DDX24: variants seen among roughly 807,000 people sequenced by gnomAD.
The protein encoded by DDX24 is ATP-dependent RNA helicase DDX24.
A neutral mutation model predicts 68.9 loss-of-function variants in DDX24; 24 were observed. The ratio of observed to expected loss-of-function variants is 0.35; its 90% CI spans 0.25 to 0.49. DDX24 has a LOEUF of 0.49. Ranked by LOEUF, DDX24 falls within the 20% of genes least tolerant of loss-of-function variation. The pLI, the probability that DDX24 is intolerant of heterozygous loss-of-function variation, is 0.99. For missense variants in DDX24, 989 were observed against 1,039.0 expected (o/e 0.95, Z 0.66); for synonymous variants, 395 against 385.2 (o/e 1.03, Z -0.30).
At chr14:94,059,255 C>A (rs887314106) in intron 5 of DDX24, among the ~76,000 whole-genome samples, 1 of 152,252 alleles carries the variant, frequency 6.6e-6, no homozygotes. Flanking sequence ...ACTTTGTAGT[C>A]TGCCTCAACT....
In DDX24 at chr14:94,049,343, C is replaced by T. The variant is rs1885344541; in HGVS notation, c.*1848G>A. The T allele has an allele frequency of 2.0e-5, 3 of 152,248 alleles. No homozygotes were observed. Among genetic ancestry groups the T allele is most frequent in the Admixed American group, 2.0e-4 (3 of 15,280 alleles). The allele number at this position is 152,248 out of a possible 1,614,324, so 9.4% of individuals were successfully genotyped here. ...GCATCATTTGGAAAATGGAGAGTCT[C>T]CCTGCCATTCTCTGATAGCTGTCAG... On this transcript the variant is annotated 3_prime_UTR_variant, in exon 9 of 9. Transcript: ENST00000621632.
chr14:94,070,738 A>G (rs924083883), intron 2 of DDX24, among the ~76,000 whole-genome samples: 2 of 152,194 alleles, frequency 1.3e-5, no homozygotes, highest in African/African-American at 4.8e-5. Context: ...TCAACAAAGC[A>G]AACAAAAACC....
intron 1 of DDX24, 81 bp from the exon 2 acceptor site, chr14:94,079,828 TAGGCCC>T: frequency 7.7e-7 from 1 of 1,296,780 alleles, no homozygotes; most frequent in Non-Finnish European, 1.1e-6. Flanking sequence ...TCTAAGCAAC[TAGGCCC>T]TACAAAGAAC....
Position 94,055,374 on chromosome 14 carries a change from T to C in DDX24, c.1990-190A>G, listed in dbSNP as rs58414592. The C allele has an allele frequency of 1.3e-3, 819 of 617,698 alleles. 5 individuals are homozygous for C. In the African/African-American group the frequency reaches 0.014, roughly 10 times the overall value. 38.3% of individuals were successfully genotyped at this position (617,698 alleles called of 1,614,324 possible). On this transcript the variant is annotated intron_variant, in intron 6 of 8. Transcript: ENST00000621632. ...CAAAATGTTCCCAGGTTTAGCCCAT[T>C]CACTGTGTAGGCTCTTCCCTCCCAT... is the stretch of plus-strand genomic sequence containing the variant.
intron 3 of DDX24, 114 bp downstream of exon 3, chr14:94,061,983 C>T: frequency 8.4e-7 from 1 of 1,189,592 alleles, no homozygotes; most frequent in Admixed American, 2.9e-5. Flanking sequence ...AATTGTCTGG[C>T]TTATAGATGA....
In DDX24 at chr14:94,049,003, A is replaced by G. The variant is rs1885337495; in HGVS notation, c.*2188T>C. 1.3e-5 allele frequency: 2 copies of G among 152,246 alleles called. No individual in the cohort carries two copies. The highest frequency in any genetic ancestry group is 2.9e-5 in the Non-Finnish European group (2 of 68,068). 9.4% of individuals were successfully genotyped at this position (152,246 alleles called of 1,614,324 possible). On this transcript the variant is annotated 3_prime_UTR_variant, in exon 9 of 9. Coordinates refer to ENST00000621632, the MANE Select transcript of DDX24 (RefSeq NM_020414.4). Reference sequence around the variant, plus strand: ...AGAACTCTGCTTTTCCGTGGTGCTTATGTATTAAGTAGATTAGCTGGGGAG... The same window carrying G: ...AGAACTCTGCTTTTCCGTGGTGCTTGTGTATTAAGTAGATTAGCTGGGGAG...
intron 8 of DDX24, among the ~76,000 whole-genome samples, chr14:94,052,342 T>C (rs965913340): frequency 6.6e-6 from 1 of 152,202 alleles, no homozygotes; most frequent in African/African-American, 2.4e-5. Context: ...TGGAAATGCC[T>C]TGTGACAGAG....
At chr14:94,080,508 G>A (rs1886050356) in intron 1 of DDX24, among the ~76,000 whole-genome samples, 1 of 152,108 alleles carries the variant, frequency 6.6e-6, no homozygotes, top group Non-Finnish European at 1.5e-5. Context: ...GCTCTGCGGT[G>A]GACGTATTAA....
At chr14:94,053,257 C>T in intron 7 of DDX24, 130 bp from the exon 8 acceptor site, 1 of 1,223,770 alleles carries the variant, frequency 8.2e-7, no homozygotes, top group Non-Finnish European at 1.1e-6. Flanking sequence ...AGAGCAGTGG[C>T]ATGATCATGG....
intron 2 of DDX24, among the ~76,000 whole-genome samples, chr14:94,068,518 C>T (rs1236274358): frequency 6.6e-6 from 1 of 152,168 alleles, no homozygotes; most frequent in Non-Finnish European, 1.5e-5. Context: ...ATGGACTTAA[C>T]AGATATATAC....
Position 94,050,660 on chromosome 14 carries a change from G to A in DDX24, c.*531C>T, listed in dbSNP as rs1344447749. Reference sequence around the variant, plus strand: ...ACGGTGGCTCAGACAATACCCAGGAGAGTGGAGAGAGCTAAGGAGCTATTA... The same window carrying A: ...ACGGTGGCTCAGACAATACCCAGGAAAGTGGAGAGAGCTAAGGAGCTATTA... On this transcript the variant is annotated 3_prime_UTR_variant, in exon 9 of 9. Transcript: ENST00000621632. The A allele has an allele frequency of 6.6e-6, 1 of 152,532 alleles. No individual in the cohort carries two copies. The highest frequency in any genetic ancestry group is 1.5e-5 in the Non-Finnish European group (1 of 68,292). 9.4% of individuals were successfully genotyped at this position (152,532 alleles called of 1,614,324 possible). A position where few individuals can be genotyped will look rare whatever the true frequency, so the allele number is the denominator to read the frequency against.
Position 94,060,461 on chromosome 14 carries a change from G to A in DDX24, c.1550C>T (p.Pro517Leu), listed in dbSNP as rs1567058691. 8 of 1,614,162 alleles carry A rather than the reference G, an allele frequency of 5.0e-6. No homozygotes were observed. Among genetic ancestry groups the A allele is most frequent in the Non-Finnish European group, 6.8e-6 (8 of 1,180,034 alleles). Residue 517 changes from proline to leucine, a missense_variant, in exon 5 of 9, where the codon CCT becomes CTT. Pro to Leu is a moderately conservative substitution (Grantham distance 98). Transcript: ENST00000621632. The part of the protein sequence containing the change: ...SATLTLVHQA[P>L]ARILHKKHTK... ...GTGCTTCTTATGAAGGATTCGAGCA[G>A]GAGCCTGATGCACCAGGGTGAGTGT... is the stretch of plus-strand genomic sequence containing the variant.
intron 5 of DDX24, among the ~76,000 whole-genome samples, chr14:94,059,102 G>A (rs1289826054): frequency 1.3e-5 from 2 of 152,224 alleles, no homozygotes; most frequent in African/African-American, 2.4e-5. Flanking sequence ...GATTTGGCAC[G>A]AGGCCTATAG....
chr14:94,071,158 TC>T (rs941290261), intron 2 of DDX24, among the ~76,000 whole-genome samples: 1 of 150,230 alleles, frequency 6.7e-6, no homozygotes, highest in Non-Finnish European at 1.5e-5. Flanking sequence ...CTCAAACAAA[TC>T]AGTAAGAAAA....
chr14:94,061,113 A>T, intron 3 of DDX24, 47 bp from the exon 4 acceptor site: 2 of 1,602,556 alleles, frequency 1.2e-6, no homozygotes, highest in Non-Finnish European at 1.7e-6. Context: ...CTGGGTGATC[A>T]TTTTCTTACA....
intron 2 of DDX24, among the ~76,000 whole-genome samples, chr14:94,077,212 C>CAAT (rs1567062720): frequency 6.6e-6 from 1 of 152,174 alleles, no homozygotes; most frequent in African/African-American, 2.4e-5. Context: ...CACAGGGGAC[C>CAAT]AATGCCCCTA....
chr14:94,062,882 A>G (rs903667011), intron 2 of DDX24, among the ~76,000 whole-genome samples: 16 of 152,216 alleles, frequency 1.1e-4, no homozygotes, highest in African/African-American at 3.9e-4. Context: ...GAAATGAAAC[A>G]ATAAAGAGAG....
At chr14:94,077,577 T>C (rs1331547312) in intron 2 of DDX24, among the ~76,000 whole-genome samples, 3 of 152,246 alleles carry the variant, frequency 2.0e-5, no homozygotes, top group African/African-American at 7.2e-5. Context: ...AACATGGGAA[T>C]AATGGTACTT....
intron 2 of DDX24, among the ~76,000 whole-genome samples, chr14:94,065,853 G>A (rs367742091): frequency 2.0e-5 from 3 of 152,202 alleles, no homozygotes; most frequent in South Asian, 2.1e-4. Context: ...CTGGGAGCTC[G>A]CTGGGTCCCC....
Sources: allele counts gnomAD v4.1 joint callset (sites outside exome capture counted in the v4.1 genomes callset), GRCh38; gene constraint gnomAD v4.1.1; transcripts MANE v1.5; gene names NCBI Gene and HGNC (gene_info 2026-07-23, HGNC 2026-07-21).